SUGCT: variants seen among roughly 807,000 people sequenced by gnomAD.
SUGCT encodes succinyl-CoA:glutarate-CoA transferase.
SUGCT carries 41 observed loss-of-function variants against 55.0 expected under a neutral mutation model. That is an observed-to-expected ratio of 0.74 (90% CI 0.58 to 0.97). The LOEUF is 0.97. Ranked by LOEUF, SUGCT falls within the 50% of genes least tolerant of loss-of-function variation. SUGCT has a pLI of 0.00. For missense variants in SUGCT, 568 were observed against 547.8 expected (o/e 1.04, Z -0.37); for synonymous variants, 187 against 200.4 (o/e 0.93, Z 0.56).
intron 13 of SUGCT, among the ~76,000 whole-genome samples, chr7:40,752,000 TAATTTATC>T (rs946746461): frequency 3.9e-5 from 6 of 152,214 alleles, no homozygotes; most frequent in African/African-American, 1.4e-4. Context: ...TTGCCCACTT[TAATTTATC>T]AATGTATCAG....
At chr7:40,509,011 G>A (rs180975121) in intron 12 of SUGCT, among the ~76,000 whole-genome samples, 1 of 151,880 alleles carries the variant, frequency 6.6e-6, no homozygotes, top group African/African-American at 2.4e-5. Flanking sequence ...AAGTGTGGAC[G>A]TTTTACAGTA....
At chr7:40,402,010 C>T (rs924995921) in intron 9 of SUGCT, among the ~76,000 whole-genome samples, 2 of 152,126 alleles carry the variant, frequency 1.3e-5, no homozygotes, top group East Asian at 1.9e-4. Context: ...CAGATTGTTT[C>T]ATTAAAACAC....
the SUGCT span, among the ~76,000 whole-genome samples, chr7:41,029,579 A>G: frequency 6.6e-6 from 1 of 152,180 alleles, no homozygotes; most frequent in Non-Finnish European, 1.5e-5. Flanking sequence ...CAGAGACTTT[A>G]TTTTTTCCAA....
chr7:40,980,971 T>A, the SUGCT span, among the ~76,000 whole-genome samples: 7 of 152,194 alleles, frequency 4.6e-5, no homozygotes, highest in Non-Finnish European at 7.3e-5. Context: ...GTGCTGGGAT[T>A]ACAGGTGTGA....
intron 13 of SUGCT, among the ~76,000 whole-genome samples, chr7:40,817,284 C>G (rs1325888407): frequency 6.6e-6 from 1 of 152,170 alleles, no homozygotes; most frequent in East Asian, 1.9e-4. Flanking sequence ...AGTCAACCCT[C>G]TCAGTACAAT....
chr7:40,864,607 C>T (rs1442783763), downstream of SUGCT, among the ~76,000 whole-genome samples: 4 of 151,990 alleles, frequency 2.6e-5, no homozygotes, highest in Non-Finnish European at 5.9e-5. Context: ...GTATTATAGG[C>T]AAATGAATGC....
intron 12 of SUGCT, among the ~76,000 whole-genome samples, chr7:40,673,101 A>T (rs1802023024): frequency 6.6e-6 from 1 of 152,202 alleles, no homozygotes; most frequent in Non-Finnish European, 1.5e-5. Flanking sequence ...TTTCTTCAAT[A>T]ACTTATAACT....
intron 12 of SUGCT, among the ~76,000 whole-genome samples, chr7:40,639,415 T>C (rs1441544969): frequency 1.3e-5 from 2 of 152,216 alleles, no homozygotes; most frequent in African/African-American, 2.4e-5. Flanking sequence ...AGATAAGAAT[T>C]GACTTATCAA....
the SUGCT span, among the ~76,000 whole-genome samples, chr7:40,867,549 G>A: frequency 4.6e-5 from 7 of 152,072 alleles, no homozygotes; most frequent in African/African-American, 1.7e-4. Context: ...TTTAAAAATT[G>A]TATTAGTAGG....
intron 1 of SUGCT, among the ~76,000 whole-genome samples, chr7:40,145,707 G>A (rs1311662851): frequency 6.6e-6 from 1 of 152,172 alleles, no homozygotes; most frequent in African/African-American, 2.4e-5. Flanking sequence ...ATAAGACCCT[G>A]TTCAGTCCAT....
intron 9 of SUGCT, among the ~76,000 whole-genome samples, chr7:40,366,243 C>T (rs564208010): frequency 2.0e-5 from 3 of 152,202 alleles, no homozygotes; most frequent in East Asian, 3.9e-4. Flanking sequence ...CCCTTCCTTA[C>T]ACCTTATACA....
chr7:40,392,214 C>T (rs1785473231), intron 9 of SUGCT, among the ~76,000 whole-genome samples: 1 of 152,146 alleles, frequency 6.6e-6, no homozygotes, highest in Non-Finnish European at 1.5e-5. Context: ...AGCACACCAA[C>T]ATGGCACATG....
At chr7:40,350,373 G>A (rs1226522192) in intron 9 of SUGCT, among the ~76,000 whole-genome samples, 1 of 150,854 alleles carries the variant, frequency 6.6e-6, no homozygotes, top group Non-Finnish European at 1.5e-5. Flanking sequence ...GAGTGCGGTG[G>A]CACGATCTCA....
intron 9 of SUGCT, among the ~76,000 whole-genome samples, chr7:40,348,134 A>G (rs1797421464): frequency 6.6e-6 from 1 of 152,260 alleles, no homozygotes; most frequent in Non-Finnish European, 1.5e-5. Context: ...GGGAGACAGC[A>G]GCTAGCGCTG....
Position 40,234,740 on chromosome 7 carries a change from C to G in SUGCT, c.485-2895C>G, listed in dbSNP as rs148302818. On this transcript the variant is annotated intron_variant, in intron 6 of 13. Coordinates refer to ENST00000335693, the MANE Select transcript of SUGCT (RefSeq NM_001193313.2). Reference sequence around the variant, plus strand: ...CCTGGGCAACATAGTGAAATCCCATCCCTACCCAAAATGCAAAAATTAGCT... The same window carrying G: ...CCTGGGCAACATAGTGAAATCCCATGCCTACCCAAAATGCAAAAATTAGCT... Among the ~76,000 whole-genome samples the G allele has an allele frequency of 3.9e-5, 6 of 151,988 alleles. No homozygotes were observed. The East Asian group carries it at 1.2e-3, about 29-fold the overall frequency.
At chr7:40,351,679 A>G (rs866381721) in intron 9 of SUGCT, among the ~76,000 whole-genome samples, 1 of 152,230 alleles carries the variant, frequency 6.6e-6, no homozygotes, top group Admixed American at 6.5e-5. Context: ...GCACTCTTCA[A>G]TGACTAGCTG....
In SUGCT at chr7:40,536,973, G is replaced by A. The variant is rs78987741; in HGVS notation, c.1089+40587G>A. 2.3e-3 allele frequency among the ~76,000 whole-genome samples: 345 copies of A among 152,224 alleles called. 1 individual carries two copies. The highest frequency in any genetic ancestry group is 8.0e-3 in the African/African-American group (333 of 41,532). On this transcript the variant is annotated intron_variant, in intron 12 of 13. Coordinates refer to ENST00000335693, the MANE Select transcript of SUGCT (RefSeq NM_001193313.2). ...AAAAATAATGAACACCGAAATATTAGGCAGAGTGTTTCAGTTGTTAGTGAC... is the reference window on the plus strand; with the variant it reads ...AAAAATAATGAACACCGAAATATTAAGCAGAGTGTTTCAGTTGTTAGTGAC...
At chr7:40,934,075 A>G in the SUGCT span, among the ~76,000 whole-genome samples, 1 of 152,104 alleles carries the variant, frequency 6.6e-6, no homozygotes, top group African/African-American at 2.4e-5. Context: ...TTGTGGTTTT[A>G]TCTACCTTTG....
intron 11 of SUGCT, among the ~76,000 whole-genome samples, chr7:40,470,747 G>GTCTCTCTCTC (rs34012862): frequency 1.7e-4 from 25 of 146,384 alleles, no homozygotes; most frequent in African/African-American, 5.0e-4. Flanking sequence ...TAAGTGAACA[G>GTCTCTCTCTC]TCTCTCTCTC....
Sources: allele counts gnomAD v4.1 joint callset (sites outside exome capture counted in the v4.1 genomes callset), GRCh38; gene constraint gnomAD v4.1.1; transcripts MANE v1.5; gene names NCBI Gene and HGNC (gene_info 2026-07-23, HGNC 2026-07-21).